Variants in SLC44A5 observed in about 807,000 individuals in gnomAD.
SLC44A5 encodes the protein choline transporter-like protein 5.
In SLC44A5, 57 loss-of-function variants were observed where a neutral mutation model predicts 101.8. That is an observed-to-expected ratio of 0.56 (90% confidence interval 0.45 to 0.70). The LOEUF (loss-of-function observed/expected upper bound fraction) is 0.70. Among genes scored for constraint, SLC44A5 ranks in the 30% least tolerant of loss-of-function variants. SLC44A5 has a pLI of 0.00. For missense variants in SLC44A5, 737 were observed against 853.1 expected, an observed-to-expected ratio of 0.86 and a Z score of 1.70; for synonymous variants, 281 against 290.9, an observed-to-expected ratio of 0.97 and a Z score of 0.35.
intron 4 of SLC44A5, among the ~76,000 whole-genome samples, chr1:75,303,820 G>A (rs1223483516): frequency 1.3e-5 from 2 of 152,154 alleles, no homozygotes; most frequent in African/African-American, 4.8e-5. Context: ...TGCTGGGAGA[G>A]GGGAGGGATA....
rs191481264 is a variant in SLC44A5, at chr1:75,598,932, T to G, written c.-70+12108A>C. ...ATGTACCCCAAGCTTAAAATAAAAA[T>G]TAAAAAAGACTATTCATAAACAAAT... On this transcript the variant is annotated intron_variant, in intron 1 of 23. Transcript: ENST00000370859. 1.7e-3 allele frequency among the ~76,000 whole-genome samples: 252 copies of G among 152,204 alleles called. 3 individuals carry two copies. The highest frequency in any genetic ancestry group is 7.9e-3 in the Admixed American group (121 of 15,278).
the SLC44A5 span, among the ~76,000 whole-genome samples, chr1:75,682,950 T>C: frequency 2.6e-5 from 4 of 152,082 alleles, no homozygotes; most frequent in Admixed American, 1.3e-4. Context: ...GCGAAGGACA[T>C]GAATAGACAC....
rs61399659 is a variant in SLC44A5 at position 75,537,033 on chromosome 1, A to AATATATAT, written c.13+4394_13+4401dup. ...AAAAAAAAAAAAAAAAAAAAAAAAA[A>AATATATAT]ATATATATCTATGCCAAATGATTCT... On this transcript the variant is annotated intron_variant, in intron 2 of 23. Coordinates refer to ENST00000370859, the MANE Select transcript of SLC44A5 (RefSeq NM_001130058.2). 5.4e-3 allele frequency among the ~76,000 whole-genome samples: 233 copies of AATATATAT among 42,980 alleles called. 9 individuals carry two copies. The highest frequency in any genetic ancestry group is 7.6e-3 in the African/African-American group (140 of 18,406). The allele number at this position is 42,980 out of a possible 152,430, so 28.2% of individuals were successfully genotyped here.
chr1:75,678,180 G>A, the SLC44A5 span, among the ~76,000 whole-genome samples: 2 of 152,122 alleles, frequency 1.3e-5, no homozygotes, highest in Admixed American at 1.3e-4. Flanking sequence ...AAGCGAGGCT[G>A]GGGGAGGGGC....
chr1:75,478,834 C>G (rs1222755497), intron 2 of SLC44A5, among the ~76,000 whole-genome samples: 3 of 152,140 alleles, frequency 2.0e-5, no homozygotes, highest in East Asian at 1.9e-4. Flanking sequence ...CAACATTAGA[C>G]AGATCAATGA....
At chr1:75,287,943 T>G (rs1002892963) in intron 5 of SLC44A5, among the ~76,000 whole-genome samples, 2 of 152,168 alleles carry the variant, frequency 1.3e-5, no homozygotes, top group Non-Finnish European at 2.9e-5. Context: ...GAGGTGATGC[T>G]TTCAAGACAG....
intron 2 of SLC44A5, among the ~76,000 whole-genome samples, chr1:75,430,912 T>G (rs1190051354): frequency 3.9e-5 from 6 of 152,204 alleles, no homozygotes; most frequent in African/African-American, 7.2e-5. Flanking sequence ...TCTTGTAACT[T>G]TGCCCAAGCA....
At chr1:75,435,617 T>A (rs571178243) in intron 2 of SLC44A5, among the ~76,000 whole-genome samples, 1 of 152,190 alleles carries the variant, frequency 6.6e-6, no homozygotes, top group South Asian at 2.1e-4. Context: ...AAAGACCTAC[T>A]TCACTCCTCT....
chr1:75,445,960 G>A (rs1665549493), intron 2 of SLC44A5, among the ~76,000 whole-genome samples: 2 of 151,972 alleles, frequency 1.3e-5, no homozygotes, highest in African/African-American at 4.8e-5. Context: ...TGTTTCTCTT[G>A]TACCTCACAT....
chr1:75,338,834 T>C (rs370234441), intron 4 of SLC44A5, among the ~76,000 whole-genome samples: 1 of 152,184 alleles, frequency 6.6e-6, no homozygotes, highest in East Asian at 1.9e-4. Context: ...TGATCGCTAG[T>C]TCACATCACG....
the SLC44A5 span, among the ~76,000 whole-genome samples, chr1:75,682,885 C>A: frequency 6.6e-6 from 1 of 152,112 alleles, no homozygotes; most frequent in African/African-American, 2.4e-5. Flanking sequence ...CCAGAATCTA[C>A]AATGAACTCA....
Position 75,274,970 on chromosome 1 carries a change from C to A in SLC44A5, c.248G>T (p.Gly83Val), listed in dbSNP as rs1651800569. Reference sequence around the variant, plus strand: ...TGGCCATACTCACTCATTGGGAGTGCCCTTCTGGCCACAAAAGTGGCCCTG... The same window carrying A: ...TGGCCATACTCACTCATTGGGAGTGACCTTCTGGCCACAAAAGTGGCCCTG... ...DSQGHFCGQK[G>V]TPNENKTILF... Residue 83 changes from glycine to valine, a missense_variant, in exon 6 of 24, where the codon GGC becomes GTC. This residue lies in a region of SLC44A5 where 665 missense variants were observed against 764.4 expected (regional missense o/e 0.87). Coordinates refer to ENST00000370859, the MANE Select transcript of SLC44A5 (RefSeq NM_001130058.2). 1 of 1,612,204 alleles carries A rather than the reference C, an allele frequency of 6.2e-7. No homozygotes were observed. Among genetic ancestry groups the A allele is most frequent in the African/African-American group, 1.3e-5 (1 of 74,840 alleles).
At chr1:75,418,146 G>C (rs772341910) in intron 2 of SLC44A5, among the ~76,000 whole-genome samples, 1 of 152,108 alleles carries the variant, frequency 6.6e-6, no homozygotes, top group Non-Finnish European at 1.5e-5. Context: ...TGTTGCTTGC[G>C]TTCTGTGCCC....
chr1:75,242,165 C>A, intron 8 of SLC44A5, 104 bp from the exon 9 acceptor site: 1 of 763,506 alleles, frequency 1.3e-6, no homozygotes, highest in East Asian at 2.7e-5. Context: ...TAATAATCTC[C>A]TTATTTCAAA....
At chr1:75,688,775 G>C in the SLC44A5 span, among the ~76,000 whole-genome samples, 1 of 152,116 alleles carries the variant, frequency 6.6e-6, no homozygotes, top group African/African-American at 2.4e-5. Context: ...CAGAAGCCAG[G>C]CAAGGACTCC....
At chr1:75,211,340 AGATAAACACGTTTT>A (rs747366319) in intron 23 of SLC44A5, 114 bp downstream of exon 23, 13 of 625,726 alleles carry the variant, frequency 2.1e-5, no homozygotes, top group Non-Finnish European at 3.7e-5. Flanking sequence ...ATCTCTTTCC[AGATAAACACGTTTT>A]GTGGTTGCAG....
intron 2 of SLC44A5, among the ~76,000 whole-genome samples, chr1:75,511,543 A>AC (rs1225988087): frequency 6.6e-6 from 1 of 152,212 alleles, no homozygotes; most frequent in Non-Finnish European, 1.5e-5. Context: ...TTATTTAAAA[A>AC]ATATCATCTA....
chr1:75,680,272 T>C, the SLC44A5 span, among the ~76,000 whole-genome samples: 2 of 151,682 alleles, frequency 1.3e-5, no homozygotes, highest in East Asian at 1.9e-4. Context: ...CTAATAGACA[T>C]CTACAGAACT....
the SLC44A5 span, chr1:75,641,690 T>C: frequency 6.7e-5 from 103 of 1,536,588 alleles, no homozygotes; most frequent in Non-Finnish European, 8.1e-5. Flanking sequence ...CTCTCTCCAA[T>C]CTTGTATGAG....
Sources: allele counts gnomAD v4.1 joint callset (sites outside exome capture counted in the v4.1 genomes callset), GRCh38; gene constraint gnomAD v4.1.1; regional missense constraint gnomAD v4.1.1; transcripts MANE v1.5; gene names NCBI Gene and HGNC (gene_info 2026-07-23, HGNC 2026-07-21).